The following ZNF749 variants were observed in gnomAD, a reference collection of about 807,000 sequenced individuals.
ZNF749 encodes the protein zinc finger protein 749.
ZNF749 carries 8 observed loss-of-function variants against 7.3 expected under a neutral mutation model. That is an observed-to-expected ratio of 1.10 (90% CI 0.64 to 1.98). The LOEUF is 1.98. ZNF749 is among the 30% of genes most tolerant of loss of function. The pLI is 0.00. For missense variants in ZNF749, 898 were observed against 932.4 expected (o/e 0.96, Z 0.48); for synonymous variants, 310 against 322.4 (o/e 0.96, Z 0.41).
chr19:57,438,436 C>G (rs1297898674), intron 1 of ZNF749: 2 of 235,264 alleles, frequency 8.5e-6, no homozygotes, highest in Non-Finnish European at 8.1e-6. Flanking sequence ...CTCTTCTTCC[C>G]CAGTTCGCCT....
the ZNF749 span, among the ~76,000 whole-genome samples, chr19:57,428,751 A>G: frequency 1.3e-5 from 2 of 152,184 alleles, no homozygotes; most frequent in Admixed American, 1.3e-4. Flanking sequence ...CTTTCCTCAT[A>G]AGACACTCAG....
rs371724290 is a variant in ZNF749, at chr19:57,447,062, AT to A, written c.*1583del. Among the ~76,000 whole-genome samples, 1 of 151,814 alleles carries A rather than the reference AT, an allele frequency of 6.6e-6. No homozygotes were observed. Among genetic ancestry groups the A allele is most frequent in the South Asian group, 2.1e-4 (1 of 4,816 alleles). ...TGTACACTTAGGCTACTCTAAATTAATTTTTTCTTTAGTAATAAATTAACCT... is the reference window on the plus strand; with the variant it reads ...TGTACACTTAGGCTACTCTAAATTAATTTTTCTTTAGTAATAAATTAACCT... On this transcript the variant is annotated 3_prime_UTR_variant, in exon 3 of 3. Transcript: ENST00000334181.
chr19:57,428,647 G>C, the ZNF749 span: 1 of 151,988 alleles, frequency 6.6e-6, no homozygotes, highest in African/African-American at 2.4e-5. Context: ...AGAAAGTATA[G>C]CACCTGTTAT....
chr19:57,429,373 A>G, the ZNF749 span, among the ~76,000 whole-genome samples: 5 of 152,204 alleles, frequency 3.3e-5, no homozygotes, highest in Non-Finnish European at 1.5e-5. The surrounding 1 kb of genome is among the most constrained non-coding windows in gnomAD (Gnocchi z 4.2). Context: ...TACTGTGAAC[A>G]TGGGTGTGGA....
chr19:57,437,266 T>C (rs768193256), intron 1 of ZNF749, among the ~76,000 whole-genome samples: 2 of 152,106 alleles, frequency 1.3e-5, no homozygotes, highest in Non-Finnish European at 1.5e-5. Context: ...GGCTATTTTT[T>C]TTTTTCCTCA....
chr19:57,443,435 T>C lies in ZNF749; in HGVS notation c.287T>C (p.Ile96Thr). The change falls in exon 3 of 3, where the codon ATT (isoleucine) becomes ACT (threonine). Residue 96 changes from isoleucine to threonine, a missense_variant. Transcript: ENST00000334181. ...ATGTGTAGCTCAATTCTGAAGGACATTCTGCACCTGGCTGAGCACGATGGA... is the reference window on the plus strand; with the variant it reads ...ATGTGTAGCTCAATTCTGAAGGACACTCTGCACCTGGCTGAGCACGATGGA... ...CKMCSSILKDILHLAEHDGTH... is the reference protein window; with the variant it reads ...CKMCSSILKDTLHLAEHDGTH... 6.2e-7 allele frequency: 1 copy of C among 1,614,224 alleles called. No homozygotes were observed. The highest frequency in any genetic ancestry group is 8.5e-7 in the Non-Finnish European group (1 of 1,180,034).
chr19:57,437,723 CAA>C (rs35006340), intron 1 of ZNF749, among the ~76,000 whole-genome samples: 42 of 55,942 alleles, frequency 7.5e-4, no homozygotes, highest in Admixed American at 7.4e-4. Context: ...GACACTGTCT[CAA>C]AAAAAAAAAA....
Position 57,443,992 on chromosome 19 carries a change from A to C in ZNF749, c.844A>C (p.Arg282=). 1 of 1,613,922 alleles carries C rather than the reference A, an allele frequency of 6.2e-7. No homozygotes were observed. Among genetic ancestry groups the C allele is most frequent in the East Asian group, 2.2e-5 (1 of 44,848 alleles). The change falls in exon 3 of 3, where the codon AGG becomes CGG. Residue 282 remains arginine (R), a synonymous_variant. Transcript: ENST00000334181. ...TCACAGTGAAGGCTTTCTTTCAAAA[A>C]GGTCTGACCCCATTGAACATCAGGA... The part of the protein sequence containing the change: ...KIHSEGFLSK[R]SDPIEHQEIL...
Position 57,444,753 on chromosome 19 carries a change from T to A in ZNF749, c.1605T>A (p.Asp535Glu), listed in dbSNP as rs751360915. 8 of 1,613,644 alleles carry A rather than the reference T, an allele frequency of 5.0e-6. No individual in the cohort carries two copies. The Admixed American group carries it at 1.3e-4, about 27-fold the overall frequency. ...TTCAGCATGAGAAAATCCACACTGA[T>A]GCATTTTCAAAAAGGTCTGACCTCA... ...HLVQHEKIHT[D>E]AFSKRSDLIQ... Residue 535 changes from aspartate (D) to glutamate (E), a missense_variant, in exon 3 of 3, where the codon GAT (aspartate) becomes GAA (glutamate). By Grantham distance (45) the Asp-to-Glu change is conservative. Transcript: ENST00000334181.
rs1342765915 is a variant in ZNF749 at position 57,444,735 on chromosome 19, T to A, written c.1587T>A (p.His529Gln). The change falls in exon 3 of 3, where the codon CAT becomes CAA. Residue 529 changes from histidine to glutamine, a missense_variant. His to Gln is a conservative substitution (Grantham distance 24). Coordinates refer to ENST00000334181, the MANE Select transcript of ZNF749 (RefSeq NM_001023561.4). ...TTAGAAAGTCCCACCTAGTTCAGCATGAGAAAATCCACACTGATGCATTTT... is the reference window on the plus strand; with the variant it reads ...TTAGAAAGTCCCACCTAGTTCAGCAAGAGAAAATCCACACTGATGCATTTT... ...AFVRKSHLVQ[H>Q]EKIHTDAFSK... 5.6e-6 allele frequency: 9 copies of A among 1,608,448 alleles called. No individual in the cohort carries two copies. Among genetic ancestry groups the A allele is most frequent in the Non-Finnish European group, 7.6e-6 (9 of 1,178,448 alleles).
chr19:57,431,292 C>G (rs2088897948), upstream of ZNF749, among the ~76,000 whole-genome samples: 1 of 152,136 alleles, frequency 6.6e-6, no homozygotes, highest in Non-Finnish European at 1.5e-5. Context: ...TCTTTCTTTT[C>G]TAATGCATCT....
At position 57,444,765 on chromosome 19, in the gene ZNF749, A is replaced by G. The variant is rs781126826; in HGVS notation, c.1617A>G (p.Lys539=). ...HEKIHTDAFS[K]RSDLIQHKRI... Reference sequence around the variant, plus strand: ...AAATCCACACTGATGCATTTTCAAAAAGGTCTGACCTCATTCAACACAAGA... The same window carrying G: ...AAATCCACACTGATGCATTTTCAAAGAGGTCTGACCTCATTCAACACAAGA... Residue 539 remains lysine (K), a synonymous_variant, in exon 3 of 3, where the codon AAA becomes AAG. Coordinates refer to ENST00000334181, the MANE Select transcript of ZNF749 (RefSeq NM_001023561.4). The G allele has an allele frequency of 6.2e-7, 1 of 1,613,820 alleles. No individual in the cohort carries two copies. Among genetic ancestry groups the G allele is most frequent in the African/African-American group, 1.3e-5 (1 of 74,974 alleles).
the ZNF749 span, among the ~76,000 whole-genome samples, chr19:57,428,939 G>A: frequency 6.6e-6 from 1 of 152,136 alleles, no homozygotes; most frequent in African/African-American, 2.4e-5. Flanking sequence ...ATGTTGCTGT[G>A]TGTGTCAAAA....
upstream of ZNF749, among the ~76,000 whole-genome samples, chr19:57,434,737 C>T (rs536478497): frequency 3.3e-5 from 5 of 152,276 alleles, no homozygotes; most frequent in African/African-American, 1.2e-4. Context: ...TTTTCGTCGA[C>T]AGAAAGATAT....
rs996792832 is a variant in ZNF749 at position 57,439,626 on chromosome 19, G to A, written c.16-2259G>A. ...ATAATAAATAGCTGGGTGTGGTGGC[G>A]TCTCTCTGTGGTCTCAGCTAATCGG... On this transcript the variant is annotated intron_variant, in intron 1 of 2. Coordinates refer to ENST00000334181, the MANE Select transcript of ZNF749 (RefSeq NM_001023561.4). The surrounding 1 kb of genome is among the most constrained non-coding windows in gnomAD (Gnocchi z 4.3). Among the ~76,000 whole-genome samples the A allele has an allele frequency of 5.9e-5, 9 of 151,920 alleles. No homozygotes were observed. Among genetic ancestry groups the A allele is most frequent in the Non-Finnish European group, 7.4e-5 (5 of 67,978 alleles).
Position 57,443,608 on chromosome 19 carries a change from T to C in ZNF749, c.460T>C (p.Cys154Arg). ...TCACGTGGGAGAGAGGAACTTCACA[T>C]GCACGCAGGGTGGCAAGGATTTTAC... is the stretch of plus-strand genomic sequence containing the variant. ...SAHVGERNFTCTQGGKDFTAS... is the reference protein window; with the variant it reads ...SAHVGERNFTRTQGGKDFTAS... Residue 154 changes from cysteine (C) to arginine (R), a missense_variant, in exon 3 of 3, where the codon TGC becomes CGC. By Grantham distance (180) the Cys-to-Arg change is radical (BLOSUM62 -3). Coordinates refer to ENST00000334181, the MANE Select transcript of ZNF749 (RefSeq NM_001023561.4). 3 of 1,614,242 alleles carry C rather than the reference T, an allele frequency of 1.9e-6. No homozygotes were observed. Among genetic ancestry groups the C allele is most frequent in the Non-Finnish European group, 2.5e-6 (3 of 1,180,034 alleles).
Position 57,445,230 on chromosome 19 carries a change from G to C in ZNF749, c.2082G>C (p.Lys694Asn). 6.2e-7 allele frequency: 1 copy of C among 1,614,020 alleles called. No homozygotes were observed. The highest frequency in any genetic ancestry group is 8.5e-7 in the Non-Finnish European group (1 of 1,179,902). Residue 694 changes from lysine to asparagine, a missense_variant, in exon 3 of 3, where the codon AAG (lysine) becomes AAC (asparagine). By Grantham distance (94) the Lys-to-Asn change is moderately conservative. Transcript: ENST00000334181. Reference sequence around the variant, plus strand: ...ATCATAAAGTTTGCACTGGGGAGAAGCCTCATGAGTGCAGTAAATGTAGGG... The same window carrying C: ...ATCATAAAGTTTGCACTGGGGAGAACCCTCATGAGTGCAGTAAATGTAGGG... ...IKHHKVCTGE[K>N]PHECSKCREL...
rs771620706 is a variant in ZNF749, at chr19:57,445,503, A to G, written c.*18A>G. 50 of 1,584,092 alleles carry G rather than the reference A, an allele frequency of 3.2e-5. No homozygotes were observed. Among genetic ancestry groups the G allele is most frequent in the Non-Finnish European group, 2.7e-5 (32 of 1,165,544 alleles). ...GGCCTTAGTGGAGTGAATGCAGGAAAGTCACCAAAACTGTCACCTCATTCA... is the reference window on the plus strand; with the variant it reads ...GGCCTTAGTGGAGTGAATGCAGGAAGGTCACCAAAACTGTCACCTCATTCA... On this transcript the variant is annotated 3_prime_UTR_variant, in exon 3 of 3. Coordinates refer to ENST00000334181, the MANE Select transcript of ZNF749 (RefSeq NM_001023561.4).
intron 1 of ZNF749, 100 bp downstream of exon 1, chr19:57,435,693 G>A (rs1052103231): frequency 3.8e-5 from 58 of 1,513,258 alleles, no homozygotes; most frequent in Non-Finnish European, 4.7e-5. Context: ...CTCTAAGAGA[G>A]GGGCGTTCTT....
Sources: allele counts gnomAD v4.1 joint callset (sites outside exome capture counted in the v4.1 genomes callset), GRCh38; gene constraint gnomAD v4.1.1; non-coding constraint Gnocchi (gnomAD v3.1); transcripts MANE v1.5; gene names NCBI Gene and HGNC (gene_info 2026-07-23, HGNC 2026-07-21).